SCLT1: variants seen among roughly 807,000 people sequenced by gnomAD.
SCLT1 encodes the protein sodium channel-associated protein 1.
A neutral mutation model predicts 112.8 loss-of-function variants in SCLT1; 78 were observed. The ratio of observed to expected loss-of-function variants is 0.69; its 90% CI spans 0.58 to 0.83. SCLT1 has a LOEUF of 0.83. Among genes scored for constraint, SCLT1 ranks in the 40% least tolerant of loss-of-function variants. The pLI is 0.00. For synonymous variants in SCLT1, 257 were observed against 254.7 expected, an observed-to-expected ratio of 1.01 and a Z score of -0.09; for missense variants, 747 against 770.4, an observed-to-expected ratio of 0.97 and a Z score of 0.36.
At chr4:128,973,300 T>A (rs1740854299) in intron 9 of SCLT1, among the ~76,000 whole-genome samples, 2 of 152,056 alleles carry the variant, frequency 1.3e-5, no homozygotes, top group South Asian at 4.1e-4. Context: ...ATATACAATG[T>A]AAGATAATTA....
intron 5 of SCLT1, among the ~76,000 whole-genome samples, chr4:129,021,960 G>A (rs530323721): frequency 6.6e-6 from 1 of 152,256 alleles, no homozygotes; most frequent in African/African-American, 2.4e-5. Flanking sequence ...GATGGAGCAG[G>A]TAGCAATTTT....
intron 2 of SCLT1, among the ~76,000 whole-genome samples, chr4:129,071,158 A>G (rs774062565): frequency 4.0e-5 from 6 of 151,886 alleles, no homozygotes; most frequent in South Asian, 4.1e-4. Flanking sequence ...CATAATTTCA[A>G]TTTTCTTCAA....
chr4:129,002,176 C>G (rs1281068803), intron 6 of SCLT1, among the ~76,000 whole-genome samples: 1 of 151,818 alleles, frequency 6.6e-6, no homozygotes, highest in Admixed American at 6.6e-5. Flanking sequence ...GAATTTGTAG[C>G]CCCCATTTAT....
At chr4:129,053,231 A>AACTAGACCTAG (rs1278516474) in intron 2 of SCLT1, among the ~76,000 whole-genome samples, 2 of 152,264 alleles carry the variant, frequency 1.3e-5, no homozygotes, top group East Asian at 3.9e-4. Flanking sequence ...AGTTCTGTAG[A>AACTAGACCTAG]TGTCTATTAG....
intron 18 of SCLT1, among the ~76,000 whole-genome samples, chr4:128,924,781 T>C (rs1736162176): frequency 6.6e-6 from 1 of 152,182 alleles, no homozygotes; most frequent in Non-Finnish European, 1.5e-5. Flanking sequence ...CGAACCTCAA[T>C]GATCCCTACC....
At chr4:129,032,675 G>T (rs1397557874) in intron 5 of SCLT1, among the ~76,000 whole-genome samples, 3 of 151,946 alleles carry the variant, frequency 2.0e-5, no homozygotes, top group African/African-American at 7.2e-5. Flanking sequence ...GTGGGTGAAG[G>T]ATATGAACAG....
chr4:128,965,781 A>G (rs1341272698), intron 10 of SCLT1, among the ~76,000 whole-genome samples: 3 of 149,276 alleles, frequency 2.0e-5, no homozygotes, highest in Non-Finnish European at 3.0e-5. Flanking sequence ...TTTCTTGTTC[A>G]TCTTTTCTTG....
chr4:129,023,568 C>G (rs141407756), intron 5 of SCLT1, among the ~76,000 whole-genome samples: 2 of 152,098 alleles, frequency 1.3e-5, no homozygotes. Flanking sequence ...CCAAGATGGC[C>G]GAATAGGAAC....
chr4:129,077,546 A>G (rs184508138), intron 2 of SCLT1, among the ~76,000 whole-genome samples: 2 of 152,346 alleles, frequency 1.3e-5, no homozygotes, highest in Admixed American at 6.5e-5. Flanking sequence ...AAAAAGAGGA[A>G]GAACATAGTT....
intron 2 of SCLT1, among the ~76,000 whole-genome samples, chr4:129,061,183 T>C (rs1056165263): frequency 4.6e-5 from 7 of 152,160 alleles, no homozygotes; most frequent in Admixed American, 1.3e-4. Context: ...GACCCTAGGA[T>C]GGTAAGGCTT....
intron 10 of SCLT1, among the ~76,000 whole-genome samples, chr4:128,965,717 GTGA>G (rs1477169388): frequency 6.6e-6 from 1 of 151,810 alleles, no homozygotes; most frequent in Non-Finnish European, 1.5e-5. Context: ...CTTTGACATA[GTGA>G]TGATTTGACC....
intron 5 of SCLT1, among the ~76,000 whole-genome samples, chr4:129,025,378 G>C (rs376683174): frequency 6.6e-6 from 1 of 152,218 alleles, no homozygotes; most frequent in Non-Finnish European, 1.5e-5. Context: ...AGCCAGAAGA[G>C]AGTGGGGGCC....
In SCLT1 at chr4:129,043,416, AT is replaced by A; in HGVS notation, c.212del (p.Asn71MetfsTer4). 6.5e-7 allele frequency: 1 copy of A among 1,540,016 alleles called. No individual in the cohort carries two copies. Among genetic ancestry groups the A allele is most frequent in the Non-Finnish European group, 8.9e-7 (1 of 1,122,836 alleles). On this transcript the variant is annotated frameshift_variant, in exon 4 of 21. Coordinates refer to ENST00000281142, the MANE Select transcript of SCLT1 (RefSeq NM_144643.4). LOFTEE classifies it high-confidence loss of function. ...ATACCTGGTAATATTTCAGCTGCCC[AT>A]TTAGTTCTCCTAGGTGTTTATCATA... ...TEYDKHLGEL[N>X]GQLKYYQKQV...
chr4:128,986,707 T>C (rs1479457384), intron 9 of SCLT1, among the ~76,000 whole-genome samples: 1 of 152,196 alleles, frequency 6.6e-6, no homozygotes, highest in Non-Finnish European at 1.5e-5. Flanking sequence ...ACTCACTCTG[T>C]GCTAGAAGAG....
At chr4:128,981,902 C>T (rs1262698714) in intron 9 of SCLT1, among the ~76,000 whole-genome samples, 1 of 151,986 alleles carries the variant, frequency 6.6e-6, no homozygotes. Context: ...ATTTAGTAGC[C>T]ATTGAAGGAG....
At chr4:128,997,631 G>T (rs550173562) in intron 8 of SCLT1, among the ~76,000 whole-genome samples, 1 of 151,902 alleles carries the variant, frequency 6.6e-6, no homozygotes, top group Non-Finnish European at 1.5e-5. Context: ...GTCTAGATTA[G>T]TCTAAGGAGA....
chr4:128,905,005 T>C (rs1162608468), intron 18 of SCLT1, among the ~76,000 whole-genome samples: 5 of 152,166 alleles, frequency 3.3e-5, no homozygotes, highest in African/African-American at 1.2e-4. Context: ...AGTCCATGAC[T>C]GTAAATATAA....
chr4:128,940,686 G>A (rs1737614925), intron 17 of SCLT1, among the ~76,000 whole-genome samples: 3 of 151,492 alleles, frequency 2.0e-5, no homozygotes, highest in Non-Finnish European at 4.4e-5. Flanking sequence ...ATAAATAAAA[G>A]CAATTATGTA....
chr4:128,911,582 G>GA (rs911444314), intron 18 of SCLT1, among the ~76,000 whole-genome samples: 2 of 152,068 alleles, frequency 1.3e-5, no homozygotes, highest in African/African-American at 4.8e-5. Flanking sequence ...AATTACCTAT[G>GA]AAAAAATTAT....
Sources: gnomAD v4.1 joint callset for allele counts (sites outside exome capture counted in the v4.1 genomes callset) on GRCh38, gnomAD v4.1.1 for gene constraint, MANE v1.5 for transcripts, NCBI Gene and HGNC (gene_info 2026-07-23, HGNC 2026-07-21) for gene names.